Variants in TTYH1 observed in about 807,000 individuals in gnomAD.
TTYH1 encodes the protein protein tweety homolog 1.
Under a neutral mutation model 61.2 loss-of-function variants are expected in TTYH1, and 33 were observed. The observed-to-expected ratio is 0.54, with a 90% CI of 0.41 to 0.72. The LOEUF (loss-of-function observed/expected upper bound fraction) is 0.72, where lower values mean the gene tolerates loss of function less well. Among genes scored for constraint, TTYH1 ranks in the 30% least tolerant of loss-of-function variants. The pLI is 0.00. For synonymous variants in TTYH1, 308 were observed against 266.4 expected (o/e 1.16, Z -1.52); for missense variants, 538 against 575.8 (o/e 0.93, Z 0.67).
chr19:54,416,960 G>A lies in TTYH1; in HGVS notation c.126+1282G>A. On this transcript the variant is annotated intron_variant, in intron 1 of 13. Coordinates refer to ENST00000376530, the MANE Select transcript of TTYH1 (RefSeq NM_020659.4). This position sits in a 1 kb window ranked among gnomAD's most constrained non-coding sequence, Gnocchi z 7.0. ...GGGGGAGCCTCACTCCGCCCCCACG[G>A]TCGGGGGTCAGGGTCAGGGTGGCAG... The A allele has an allele frequency of 2.4e-6, 3 of 1,239,374 alleles. No individual in the cohort carries two copies. Among genetic ancestry groups the A allele is most frequent in the Non-Finnish European group, 3.1e-6 (3 of 964,354 alleles). The allele number at this position is 1,239,374 out of a possible 1,614,324, so 76.8% of individuals were successfully genotyped here.
Position 54,421,656 on chromosome 19 carries a change from A to G in TTYH1, c.417+268A>G, listed in dbSNP as rs914375682. ...ACAGAAACCAAGCACCAGCGACACCAGCCCCTGTCCACGGGCCAGATCCAG... is the reference window on the plus strand; with the variant it reads ...ACAGAAACCAAGCACCAGCGACACCGGCCCCTGTCCACGGGCCAGATCCAG... On this transcript the variant is annotated intron_variant, in intron 3 of 13. Coordinates refer to ENST00000376530, the MANE Select transcript of TTYH1 (RefSeq NM_020659.4). This position sits in a 1 kb window ranked among gnomAD's most constrained non-coding sequence, Gnocchi z 4.8. Among the ~76,000 whole-genome samples, 4 of 151,594 alleles carry G rather than the reference A, an allele frequency of 2.6e-5. No homozygotes were observed. Among genetic ancestry groups the G allele is most frequent in the Non-Finnish European group, 5.9e-5 (4 of 67,920 alleles).
At chr19:54,425,619 G>C (rs760769787) in intron 4 of TTYH1, among the ~76,000 whole-genome samples, 2 of 152,110 alleles carry the variant, frequency 1.3e-5, no homozygotes, top group Non-Finnish European at 2.9e-5. Flanking sequence ...AGTCGGCCTC[G>C]GACATCCAGC....
At position 54,419,810 on chromosome 19, in the gene TTYH1, T is replaced by A. The variant is rs183330691; in HGVS notation, c.305+504T>A. ...CATTCGACAACTGTTTATTGAGTAT[T>A]TACTATGTGCCAGATACTGACCAAG... On this transcript the variant is annotated intron_variant, in intron 2 of 13. Coordinates refer to ENST00000376530, the MANE Select transcript of TTYH1 (RefSeq NM_020659.4). The surrounding 1 kb of genome is among the most constrained non-coding windows in gnomAD (Gnocchi z 6.1). 3.9e-5 allele frequency among the ~76,000 whole-genome samples: 6 copies of A among 152,282 alleles called. No individual in the cohort carries two copies. The highest frequency in any genetic ancestry group is 1.4e-4 in the African/African-American group (6 of 41,548).
rs374552027 is a variant in TTYH1 at position 54,429,937 on chromosome 19, A to T, written c.863A>T (p.Glu288Val). ...CCTTATGTTCTGAACCTGACCCAGG[A>T]GGAGACAGGGCTCAGCTCAGGTGAT... is the stretch of plus-strand genomic sequence containing the variant. Reference protein sequence around the residue: ...PDPYVLNLTQEETGLSSDILS... With the variant: ...PDPYVLNLTQVETGLSSDILS... Residue 288 changes from glutamate to valine, a missense_variant, in exon 7 of 14, where the codon GAG (glutamate) becomes GTG (valine). Coordinates refer to ENST00000376530, the MANE Select transcript of TTYH1 (RefSeq NM_020659.4). This position sits in a 1 kb window ranked among gnomAD's most constrained non-coding sequence, Gnocchi z 5.1. 11 of 1,613,832 alleles carry T rather than the reference A, an allele frequency of 6.8e-6. No individual in the cohort carries two copies. The highest frequency in any genetic ancestry group is 8.5e-7 in the Non-Finnish European group (1 of 1,179,898).
rs758937211 is a variant in TTYH1 at position 54,431,102 on chromosome 19, C to T, written c.1036C>T (p.Pro346Ser). The change falls in exon 10 of 14, where the codon CCT (proline) becomes TCT (serine). Residue 346 changes from proline to serine, a missense_variant. By Grantham distance (74) the Pro-to-Ser change is moderately conservative (BLOSUM62 -1). This residue lies in a region of TTYH1 where 378 missense variants were observed against 401.2 expected (regional missense o/e 0.94). Coordinates refer to ENST00000376530, the MANE Select transcript of TTYH1 (RefSeq NM_020659.4). ...ACGACCCCTCCTCGCCCCGCAGAAG[C>T]CTCTGCTGTCCTTGGAGGAGACTCT... is the stretch of plus-strand genomic sequence containing the variant. ...AVPQFPSAQK[P>S]LLSLEETLNV... The T allele has an allele frequency of 1.8e-5, 29 of 1,612,622 alleles. No homozygotes were observed. In the Admixed American group the frequency reaches 3.0e-4, roughly 17 times the overall value.
Position 54,436,096 on chromosome 19 carries a change from C to G in TTYH1, c.1320C>G (p.Ser440=). 6.2e-7 allele frequency: 1 copy of G among 1,614,072 alleles called. No homozygotes were observed. Among genetic ancestry groups the G allele is most frequent in the Admixed American group, 1.7e-5 (1 of 60,014 alleles). ...TACCCCGAATCTCCTAGCAGGAATC[C>G]AAGCGCTTTGTGCAGTGGCAGTCGT... is the stretch of plus-strand genomic sequence containing the variant. ...DDDDPFNPQE[S]KRFVQWQSSI The change falls in exon 13 of 14, where the codon TCC becomes TCG. Residue 440 remains serine, a synonymous_variant. Transcript: ENST00000376530. This position sits in a 1 kb window ranked among gnomAD's most constrained non-coding sequence, Gnocchi z 4.3.
intron 1 of TTYH1, among the ~76,000 whole-genome samples, chr19:54,417,365 C>T (rs1419089899): frequency 4.0e-5 from 6 of 151,478 alleles, no homozygotes; most frequent in Non-Finnish European, 8.8e-5. Context: ...TGCACACACA[C>T]ATATGCACAG....
rs1453529614 is a variant in TTYH1, at chr19:54,419,562, G to T, written c.305+256G>T. On this transcript the variant is annotated intron_variant, in intron 2 of 13. Coordinates refer to ENST00000376530, the MANE Select transcript of TTYH1 (RefSeq NM_020659.4). This position sits in a 1 kb window ranked among gnomAD's most constrained non-coding sequence, Gnocchi z 6.1. Reference sequence around the variant, plus strand: ...CATCTGGTGAGAAGGCGCAGGGGCAGTCAGATGGCCTGGTTTTGGTGGCTC... The same window carrying T: ...CATCTGGTGAGAAGGCGCAGGGGCATTCAGATGGCCTGGTTTTGGTGGCTC... 7.3e-6 allele frequency: 5 copies of T among 687,258 alleles called. No individual in the cohort carries two copies. The Admixed American group carries it at 8.1e-5, about 11-fold the overall frequency. The allele number at this position is 687,258 out of a possible 1,614,324, so 42.6% of individuals were successfully genotyped here. A position where few individuals can be genotyped will look rare whatever the true frequency, so the allele number is the denominator to read the frequency against.
In TTYH1 at chr19:54,415,808, G is replaced by T; in HGVS notation, c.126+130G>T. ...GCTGGGGGCCGGCCCGGACTTTGGG[G>T]TTTCGGAGGGAGGAGGAGCCTGGGG... On this transcript the variant is annotated intron_variant, in intron 1 of 13. Transcript: ENST00000376530. This position sits in a 1 kb window ranked among gnomAD's most constrained non-coding sequence, Gnocchi z 5.2. The T allele has an allele frequency of 8.9e-7, 1 of 1,129,076 alleles. No individual in the cohort carries two copies. The highest frequency in any genetic ancestry group is 3.2e-5 in the Admixed American group (1 of 31,650). The allele number at this position is 1,129,076 out of a possible 1,614,324, so 69.9% of individuals were successfully genotyped here. A position where few individuals can be genotyped will look rare whatever the true frequency, so the allele number is the denominator to read the frequency against.
At chr19:54,432,424 TAGA>T (rs1280541606) in intron 10 of TTYH1, 3 of 152,238 alleles carry the variant, frequency 2.0e-5, no homozygotes, top group African/African-American at 7.2e-5. Flanking sequence ...CCTAACAGGT[TAGA>T]AGATGAGGAG....
In TTYH1 at chr19:54,436,393, A is replaced by G. The variant is rs2083554090; in HGVS notation, c.*103A>G. On this transcript the variant is annotated 3_prime_UTR_variant, in exon 14 of 14. Transcript: ENST00000376530. The surrounding 1 kb of genome is among the most constrained non-coding windows in gnomAD (Gnocchi z 4.3). ...CCAGCCTGCCTGGGCTCTGACCACTAACACTCTTGGCCATGGACAGCCTGC... is the reference window on the plus strand; with the variant it reads ...CCAGCCTGCCTGGGCTCTGACCACTGACACTCTTGGCCATGGACAGCCTGC... 1 of 1,613,474 alleles carries G rather than the reference A, an allele frequency of 6.2e-7. No individual in the cohort carries two copies.
rs1367136759 is a variant in TTYH1 at position 54,419,964 on chromosome 19, A to C, written c.305+658A>C. ...GCTGGTCTAATTCCTTCTCACAATA[A>C]TGCTGCTGGATTCAGGGGTGTCAGG... On this transcript the variant is annotated intron_variant, in intron 2 of 13. Transcript: ENST00000376530. The surrounding 1 kb of genome is among the most constrained non-coding windows in gnomAD (Gnocchi z 6.1). Among the ~76,000 whole-genome samples the C allele has an allele frequency of 6.6e-6, 1 of 152,110 alleles. No individual in the cohort carries two copies. Among genetic ancestry groups the C allele is most frequent in the East Asian group, 1.9e-4 (1 of 5,194 alleles).
intron 4 of TTYH1, among the ~76,000 whole-genome samples, chr19:54,424,968 G>A (rs567438283): frequency 1.3e-5 from 2 of 152,248 alleles, no homozygotes; most frequent in East Asian, 3.9e-4. Flanking sequence ...CGTGTTCTCT[G>A]ACCTGGGGTT....
At position 54,420,338 on chromosome 19, in the gene TTYH1, T is replaced by TG. The variant is rs976604050; in HGVS notation, c.306-933dup. On this transcript the variant is annotated intron_variant, in intron 2 of 13. Coordinates refer to ENST00000376530, the MANE Select transcript of TTYH1 (RefSeq NM_020659.4). This position sits in a 1 kb window ranked among gnomAD's most constrained non-coding sequence, Gnocchi z 4.8. Reference sequence around the variant, plus strand: ...CGCTTCCTCCTCCGGCTCTCTGGCGTGGGGGGAGACAGGGGAGGTGGACAA... The same window carrying TG: ...CGCTTCCTCCTCCGGCTCTCTGGCGTGGGGGGGAGACAGGGGAGGTGGACAA... 5.3e-5 allele frequency among the ~76,000 whole-genome samples: 8 copies of TG among 151,706 alleles called. No individual in the cohort carries two copies. The highest frequency in any genetic ancestry group is 1.7e-4 in the African/African-American group (7 of 41,276).
intron 4 of TTYH1, chr19:54,426,360 G>C (rs1458944484): frequency 2.6e-6 from 1 of 390,324 alleles, no homozygotes; most frequent in East Asian, 4.3e-5. Context: ...TGGGGTTGGG[G>C]ATGGGGAGCT....
Position 54,421,354 on chromosome 19 carries a change from A to T in TTYH1, c.383A>T (p.His128Leu). 1.9e-6 allele frequency: 3 copies of T among 1,613,816 alleles called. No individual in the cohort carries two copies. Among genetic ancestry groups the T allele is most frequent in the Non-Finnish European group, 2.5e-6 (3 of 1,179,838 alleles). ...TCCCAGCTCAGCTCTGCGCTGCTGC[A>T]CGCCAACCACACACTCAGCACCATT... Reference protein sequence around the residue: ...GVSQLSSALLHANHTLSTIDH... With the variant: ...GVSQLSSALLLANHTLSTIDH... The change falls in exon 3 of 14, where the codon CAC (histidine) becomes CTC (leucine). Residue 128 changes from histidine (H) to leucine (L), a missense_variant. Physicochemically the swap from His to Leu is moderately conservative, Grantham distance 99 (BLOSUM62 -3). This residue lies in a region of TTYH1 where 378 missense variants were observed against 401.2 expected (regional missense o/e 0.94). Transcript: ENST00000376530. This position sits in a 1 kb window ranked among gnomAD's most constrained non-coding sequence, Gnocchi z 4.8.
Position 54,436,302 on chromosome 19 carries a change from A to G in TTYH1, c.*43-31A>G. 6 of 1,614,000 alleles carry G rather than the reference A, an allele frequency of 3.7e-6. No individual in the cohort carries two copies. Among genetic ancestry groups the G allele is most frequent in the Non-Finnish European group, 5.1e-6 (6 of 1,179,976 alleles). ...GCACCGGGCAGGCCCTCCAGCCTGC[A>G]TCACTGCCCTGTCTCTCCCTCTCTC... On this transcript the variant is annotated intron_variant, in intron 13 of 13. Transcript: ENST00000376530. The surrounding 1 kb of genome is among the most constrained non-coding windows in gnomAD (Gnocchi z 4.3).
intron 11 of TTYH1, 21 bp downstream of exon 11, chr19:54,435,705 G>A (rs537930152): frequency 8.7e-6 from 14 of 1,607,600 alleles, no homozygotes; most frequent in Admixed American, 5.0e-5. Flanking sequence ...GGGGAGGGTA[G>A]GGTCCTGGGG....
At chr19:54,428,079 G>GTT (rs936820982) in intron 5 of TTYH1, among the ~76,000 whole-genome samples, 1,020 of 62,494 alleles carry the variant, frequency 0.016, 122 homozygotes, top group African/African-American at 0.018. Flanking sequence ...TCCCGGCTAA[G>GTT]TTTTTTTTTT....
Sources: gnomAD v4.1 joint callset for allele counts (sites outside exome capture counted in the v4.1 genomes callset) on GRCh38, gnomAD v4.1.1 for gene constraint, gnomAD v4.1.1 regional missense constraint, Gnocchi (gnomAD v3.1) non-coding constraint, MANE v1.5 for transcripts, NCBI Gene and HGNC (gene_info 2026-07-23, HGNC 2026-07-21) for gene names.